IQCE: variants seen among roughly 807,000 people sequenced by gnomAD.
The protein encoded by IQCE is IQ domain-containing protein E.
A neutral mutation model predicts 96.0 loss-of-function variants in IQCE; 115 were observed. The observed-to-expected ratio is 1.20, with a 90% CI of 1.03 to 1.40. The LOEUF is 1.40. Ranked by LOEUF, IQCE falls within the 40% of genes most tolerant of loss-of-function variation. The pLI, the probability that IQCE is intolerant of heterozygous loss-of-function variation, is 0.00. For missense variants in IQCE, 1,041 were observed against 909.1 expected (o/e 1.15, Z -1.87); for synonymous variants, 412 against 371.2 (o/e 1.11, Z -1.26).
At chr7:2,593,478 G>A (rs575685561) in intron 15 of IQCE, among the ~76,000 whole-genome samples, 1 of 152,260 alleles carries the variant, frequency 6.6e-6, no homozygotes, top group Non-Finnish European at 1.5e-5. Flanking sequence ...TGCCATTCGC[G>A]AGAGCCAGGA....
intron 14 of IQCE, among the ~76,000 whole-genome samples, chr7:2,591,309 C>T (rs891467085): frequency 6.6e-6 from 1 of 152,034 alleles, no homozygotes; most frequent in Non-Finnish European, 1.5e-5. Flanking sequence ...GACCACAGGG[C>T]TGGGAAGGCA....
At position 2,605,993 on chromosome 7, in the gene IQCE, C is replaced by A; in HGVS notation, c.1861C>A (p.His621Asn). 6.2e-7 allele frequency: 1 copy of A among 1,606,712 alleles called. No homozygotes were observed. The highest frequency in any genetic ancestry group is 1.7e-5 in the Admixed American group (1 of 59,090). ...ALRAHLARAR[H>N]SATGKRTTTA... ...GCGGGCACACCTGGCCCGGGCCAGG[C>A]ACAGGTGAGTCAGGGTCACGGGGAC... Residue 621 changes from histidine to asparagine, a missense_variant, in exon 20 of 22, where the codon CAC becomes AAC. Transcript: ENST00000402050.
chr7:2,572,097 C>T, intron 4 of IQCE, 95 bp from the exon 5 acceptor site: 1 of 1,352,204 alleles, frequency 7.4e-7, no homozygotes, highest in Non-Finnish European at 1.0e-6. Context: ...ATCAGTGATT[C>T]AGCTTTCTTC....
chr7:2,602,228 C>T (rs1004904510), intron 18 of IQCE, among the ~76,000 whole-genome samples: 4 of 152,280 alleles, frequency 2.6e-5, no homozygotes, highest in African/African-American at 4.8e-5. Context: ...CCAGCAGAGC[C>T]GGTGGGACAA....
chr7:2,586,404 C>CCAGGGAATGG (rs3217437), intron 12 of IQCE, 33 bp downstream of exon 12: 9 of 1,564,276 alleles, frequency 5.8e-6, no homozygotes, highest in East Asian at 2.2e-5. Context: ...AGGAGGGAGG[C>CCAGGGAATGG]CAGGGAATGG....
chr7:2,560,988 C>A (rs1211743089), intron 1 of IQCE, among the ~76,000 whole-genome samples: 1 of 151,102 alleles, frequency 6.6e-6, no homozygotes, highest in Non-Finnish European at 1.5e-5. Flanking sequence ...GACACAGTCT[C>A]GCTTTGCCAC....
Position 2,559,099 on chromosome 7 carries a change from G to T in IQCE, c.-83G>T. 2.4e-6 allele frequency: 2 copies of T among 841,142 alleles called. No homozygotes were observed. The highest frequency in any genetic ancestry group is 3.1e-6 in the Non-Finnish European group (2 of 641,424). 52.1% of individuals were successfully genotyped at this position (841,142 alleles called of 1,614,324 possible). A position where few individuals can be genotyped will look rare whatever the true frequency, so the allele number is the denominator to read the frequency against. On this transcript the variant is annotated 5_prime_UTR_variant, in exon 1 of 22. Coordinates refer to ENST00000402050, the MANE Select transcript of IQCE (RefSeq NM_152558.5). ...GCGCCAGGGAAGGCCCCGAGGCTGC[G>T]GGCGGCCAGGGCTGCCCGCGGATTC...
chr7:2,569,747 G>A (rs570265724), intron 3 of IQCE, among the ~76,000 whole-genome samples: 9 of 152,258 alleles, frequency 5.9e-5, no homozygotes, highest in African/African-American at 1.4e-4. Context: ...TTTTATATAC[G>A]CGTATCATAT....
At chr7:2,579,703 GT>G (rs776062443) in intron 8 of IQCE, among the ~76,000 whole-genome samples, 6 of 19,980 alleles carry the variant, frequency 3.0e-4, no homozygotes, top group Middle Eastern at 0.036. Flanking sequence ...TTCTGGTGGT[GT>G]GTGTGTGTGT....
At chr7:2,561,773 T>C (rs1262807539) in intron 1 of IQCE, among the ~76,000 whole-genome samples, 7 of 152,250 alleles carry the variant, frequency 4.6e-5, no homozygotes, top group Non-Finnish European at 1.5e-5. Context: ...GCTGAACTCA[T>C]TTATTATGTT....
chr7:2,568,892 G>T, intron 2 of IQCE, 62 bp from the exon 3 acceptor site: 1 of 1,447,174 alleles, frequency 6.9e-7, no homozygotes, highest in Non-Finnish European at 9.6e-7. Flanking sequence ...AACATGGTAG[G>T]GTCTTGTGAT....
chr7:2,562,151 A>G (rs1468199046), intron 1 of IQCE, among the ~76,000 whole-genome samples: 1 of 147,844 alleles, frequency 6.8e-6, no homozygotes, highest in African/African-American at 2.7e-5. Context: ...AGAAAATCAT[A>G]TGTTTCTTTT....
chr7:2,580,948 T>G (rs1482220827), intron 8 of IQCE, among the ~76,000 whole-genome samples: 6 of 151,932 alleles, frequency 3.9e-5, no homozygotes, highest in Non-Finnish European at 8.8e-5. Context: ...CGGAGTCTGC[T>G]CCAGCTACTC....
intron 19 of IQCE, among the ~76,000 whole-genome samples, chr7:2,605,336 G>C (rs1306185515): frequency 6.6e-6 from 1 of 152,128 alleles, no homozygotes; most frequent in Non-Finnish European, 1.5e-5. Context: ...AATCCCTATA[G>C]TAGGCCGGGC....
rs1371151765 is a variant in IQCE, at chr7:2,610,626, G to A, written c.*464G>A. The A allele has an allele frequency of 5.7e-6, 1 of 175,508 alleles. No individual in the cohort carries two copies. Among genetic ancestry groups the A allele is most frequent in the East Asian group, 1.7e-4 (1 of 5,824 alleles). The allele number at this position is 175,508 out of a possible 1,614,324, so 10.9% of individuals were successfully genotyped here. On this transcript the variant is annotated 3_prime_UTR_variant, in exon 22 of 22. Transcript: ENST00000402050. ...GCAGGCCAGGCAGACACACCCCGCT[G>A]TGCCTTAGGAAGGTGTGAGACCGGC... is the stretch of plus-strand genomic sequence containing the variant.
rs185615652 is a variant in IQCE at position 2,566,612 on chromosome 7, A to G, written c.37-504A>G. The G allele has an allele frequency of 8.0e-5, 14 of 174,054 alleles. No homozygotes were observed. In the East Asian group the frequency reaches 2.3e-3, roughly 28 times the overall value. 10.8% of individuals were successfully genotyped at this position (174,054 alleles called of 1,614,324 possible). A position where few individuals can be genotyped will look rare whatever the true frequency, so the allele number is the denominator to read the frequency against. On this transcript the variant is annotated intron_variant, in intron 1 of 21. Transcript: ENST00000402050. The stretch of plus-strand genomic sequence containing the variant: ...GTAGCTGGGACTACAGGTGTGTGCA[A>G]CCACAGCCTGGCTTATTTTTTAAAT...
intron 10 of IQCE, 152 bp from the exon 11 acceptor site, chr7:2,584,084 C>G: frequency 1.4e-6 from 1 of 728,408 alleles, no homozygotes; most frequent in Non-Finnish European, 2.5e-6. Flanking sequence ...GGAGCCTGCT[C>G]CTGCTTCAGC....
intron 8 of IQCE, chr7:2,580,179 T>G (rs139799097): frequency 4.8e-4 from 73 of 152,190 alleles, no homozygotes; most frequent in African/African-American, 1.5e-3. Context: ...TTTGCAGATG[T>G]GCCTGAGGAG....
chr7:2,584,272 A>G lies in IQCE; in HGVS notation c.811A>G (p.Thr271Ala). The G allele has an allele frequency of 6.2e-7, 1 of 1,614,048 alleles. No individual in the cohort carries two copies. Among genetic ancestry groups the G allele is most frequent in the Non-Finnish European group, 8.5e-7 (1 of 1,179,920 alleles). Residue 271 changes from threonine (T) to alanine (A), a missense_variant, in exon 11 of 22, where the codon ACC becomes GCC. Physicochemically the swap from Thr to Ala is moderately conservative, Grantham distance 58. Transcript: ENST00000402050. ...CCAGACCCTCTTGGCAAGTTCTGAA[A>G]CCACCGGAAAGAAGTATGATGGCCG... ...RLQTLLASSE[T>A]TGKKPLGEKK...
Sources: allele counts gnomAD v4.1 joint callset (sites outside exome capture counted in the v4.1 genomes callset), GRCh38; gene constraint gnomAD v4.1.1; transcripts MANE v1.5; gene names NCBI Gene and HGNC (gene_info 2026-07-23, HGNC 2026-07-21).